The following L3MBTL4 variants were observed in gnomAD, a reference collection of about 807,000 sequenced individuals.
The protein encoded by L3MBTL4 is L3MBTL histone methyl-lysine binding protein 4.
In L3MBTL4, 70 loss-of-function variants were observed where a neutral mutation model predicts 84.5. That is an observed-to-expected ratio of 0.83 (90% CI 0.68 to 1.01). L3MBTL4 has a LOEUF of 1.01. Ranked by LOEUF, L3MBTL4 falls within the 50% of genes least tolerant of loss-of-function variation. The pLI, the probability that L3MBTL4 is intolerant of heterozygous loss-of-function variation, is 0.00. For missense variants in L3MBTL4, 715 were observed against 754.8 expected (o/e 0.95, Z 0.62); for synonymous variants, 274 against 259.8 (o/e 1.05, Z -0.52).
At chr18:6,024,630 A>C (rs1002841432) in intron 16 of L3MBTL4, among the ~76,000 whole-genome samples, 1 of 152,246 alleles carries the variant, frequency 6.6e-6, no homozygotes, top group Non-Finnish European at 1.5e-5. Context: ...CTAATTAATT[A>C]CTGCTGGTCA....
intron 10 of L3MBTL4, among the ~76,000 whole-genome samples, chr18:6,221,991 G>C (rs1434041646): frequency 6.6e-6 from 1 of 152,190 alleles, no homozygotes; most frequent in Admixed American, 6.5e-5. Flanking sequence ...GTGGCATGCT[G>C]TTCAGTACAT....
intron 4 of L3MBTL4, among the ~76,000 whole-genome samples, chr18:6,295,352 A>C (rs5009857): frequency 0.031 from 3,599 of 114,918 alleles, 43 homozygotes; most frequent in Admixed American, 0.044. Flanking sequence ...CTCTCTATAT[A>C]TATATATATA....
Position 6,301,908 on chromosome 18 carries a change from C to T in L3MBTL4, c.122G>A (p.Ser41Asn), listed in dbSNP as rs756773510. 54 of 1,612,130 alleles carry T rather than the reference C, an allele frequency of 3.3e-5. No homozygotes were observed. Among genetic ancestry groups the T allele is most frequent in the Non-Finnish European group, 4.6e-5 (54 of 1,178,294 alleles). Reference sequence around the variant, plus strand: ...TAAATATTGGTGATAATTACCGTGACTCAAAGGGGTTGTGCTATCCTTGGG... The same window carrying T: ...TAAATATTGGTGATAATTACCGTGATTCAAAGGGGTTGTGCTATCCTTGGG... ...KKPKDSTTPL[S>N]HVPSAAAQGA... is the part of the protein sequence containing the mutation. Residue 41 changes from serine to asparagine, a missense_variant, in exon 4 of 19, where the codon AGT (serine) becomes AAT (asparagine). Coordinates refer to ENST00000317931, the MANE Select transcript of L3MBTL4 (RefSeq NM_001330559.2).
chr18:6,286,788 C>T (rs1431287699), intron 4 of L3MBTL4, among the ~76,000 whole-genome samples: 2 of 152,164 alleles, frequency 1.3e-5, no homozygotes, highest in Admixed American at 6.5e-5. Flanking sequence ...CCCACCCACA[C>T]TGAGTCTCTC....
At chr18:6,071,974 A>G (rs2076968960) in intron 16 of L3MBTL4, among the ~76,000 whole-genome samples, 2 of 152,174 alleles carry the variant, frequency 1.3e-5, no homozygotes, top group African/African-American at 4.8e-5. Flanking sequence ...GATGGAGCAT[A>G]TAAAAGGACG....
Position 6,069,457 on chromosome 18 carries a change from G to C in L3MBTL4, c.1444+11424C>G, listed in dbSNP as rs568674210. Among the ~76,000 whole-genome samples, 167 of 152,112 alleles carry C rather than the reference G, an allele frequency of 1.1e-3. 1 individual carries two copies. Among genetic ancestry groups the C allele is most frequent in the African/African-American group, 3.7e-3 (155 of 41,488 alleles). On this transcript the variant is annotated intron_variant, in intron 16 of 18. Transcript: ENST00000317931. ...TGTTTTTTTTTTTCCTCAGGTGACAGGCAGGGCTATAAAGTTCCCCAAAGT... is the reference window on the plus strand; with the variant it reads ...TGTTTTTTTTTTTCCTCAGGTGACACGCAGGGCTATAAAGTTCCCCAAAGT...
Position 6,263,865 on chromosome 18 carries a change from C to T in L3MBTL4, c.219+82G>A, listed in dbSNP as rs1299188020. ...CAAATAATTCAAATAAGTTGATGGG[C>T]TATCTAGGAAAGTCATTTCATTTAA... is the stretch of plus-strand genomic sequence containing the variant. On this transcript the variant is annotated intron_variant, in intron 5 of 18. Coordinates refer to ENST00000317931, the MANE Select transcript of L3MBTL4 (RefSeq NM_001330559.2). The T allele has an allele frequency of 9.9e-6, 9 of 908,326 alleles. No individual in the cohort carries two copies. The South Asian group carries it at 1.2e-4, about 12-fold the overall frequency. The allele number at this position is 908,326 out of a possible 1,614,324, so 56.3% of individuals were successfully genotyped here.
intron 8 of L3MBTL4, 145 bp from the exon 9 acceptor site, chr18:6,240,017 G>T: frequency 1.4e-6 from 1 of 692,478 alleles, no homozygotes; most frequent in East Asian, 2.7e-5. Context: ...TCAAATGCCT[G>T]TAAAAATATC....
chr18:6,168,522 T>C (rs1252420231), intron 13 of L3MBTL4, among the ~76,000 whole-genome samples: 3 of 151,956 alleles, frequency 2.0e-5, no homozygotes, highest in South Asian at 2.1e-4. Flanking sequence ...GAAATAATGC[T>C]GCATATCTAC....
chr18:5,969,141 CG>C (rs1203405932), intron 17 of L3MBTL4, among the ~76,000 whole-genome samples: 4 of 152,086 alleles, frequency 2.6e-5, no homozygotes, highest in African/African-American at 9.7e-5. Context: ...CTCTGGGCCT[CG>C]GGGGGCACTG....
Position 6,072,062 on chromosome 18 carries a change from T to C in L3MBTL4, c.1444+8819A>G, listed in dbSNP as rs535617460. On this transcript the variant is annotated intron_variant, in intron 16 of 18. Transcript: ENST00000317931. ...CAAAGGAAACAAAGGTAAGAAGCAA[T>C]TGGAGAAATAAAATACATATTTCAA... Among the ~76,000 whole-genome samples the C allele has an allele frequency of 7.2e-5, 11 of 152,198 alleles. No homozygotes were observed. The South Asian group carries it at 1.7e-3, about 23-fold the overall frequency.
chr18:6,359,312 G>A (rs543875707), intron 1 of L3MBTL4, among the ~76,000 whole-genome samples: 19 of 152,096 alleles, frequency 1.2e-4, no homozygotes, highest in African/African-American at 4.6e-4. Context: ...AGGCATGGTG[G>A]CACATGCCTG....
At chr18:6,201,608 T>C in intron 12 of L3MBTL4, among the ~76,000 whole-genome samples, 1 of 152,040 alleles carries the variant, frequency 6.6e-6, no homozygotes, top group East Asian at 1.9e-4. Context: ...GGCAATTATG[T>C]GAGAATAGAC....
intron 12 of L3MBTL4, among the ~76,000 whole-genome samples, chr18:6,204,815 G>C (rs1384574093): frequency 6.6e-6 from 1 of 152,170 alleles, no homozygotes; most frequent in Non-Finnish European, 1.5e-5. Flanking sequence ...TTGCTCTCCA[G>C]CTAGATGGTC....
intron 16 of L3MBTL4, among the ~76,000 whole-genome samples, chr18:6,071,815 G>GA (rs1231353188): frequency 5.2e-5 from 6 of 116,224 alleles, no homozygotes; most frequent in African/African-American, 2.4e-4. Flanking sequence ...AAGAAAGAAA[G>GA]GAAAGAAAGA....
chr18:6,180,130 A>G (rs1249877175), intron 12 of L3MBTL4, among the ~76,000 whole-genome samples: 2 of 152,182 alleles, frequency 1.3e-5, no homozygotes, highest in South Asian at 4.1e-4. Context: ...TAAATGAGGG[A>G]TATAGTCCAG....
intron 16 of L3MBTL4, among the ~76,000 whole-genome samples, chr18:5,985,324 T>C (rs2053419547): frequency 6.6e-6 from 1 of 152,176 alleles, no homozygotes; most frequent in Admixed American, 6.5e-5. Context: ...AGGTAAAGAA[T>C]AGATTATTAA....
intron 16 of L3MBTL4, among the ~76,000 whole-genome samples, chr18:5,990,619 T>C (rs1172283352): frequency 6.6e-6 from 1 of 152,176 alleles, no homozygotes; most frequent in Non-Finnish European, 1.5e-5. Context: ...TAATTTTGCT[T>C]ATGTGCGTGG....
rs1164330970 is a variant in L3MBTL4, at chr18:6,286,289, C to T, written c.127+15614G>A. On this transcript the variant is annotated intron_variant, in intron 4 of 18. Coordinates refer to ENST00000317931, the MANE Select transcript of L3MBTL4 (RefSeq NM_001330559.2). Reference sequence around the variant, plus strand: ...GATCAGCACTGCCAATATGGTGAAACCCCATCTCTACTAAAAATACAAGAA... The same window carrying T: ...GATCAGCACTGCCAATATGGTGAAATCCCATCTCTACTAAAAATACAAGAA... 2.0e-5 allele frequency among the ~76,000 whole-genome samples: 3 copies of T among 151,764 alleles called. No homozygotes were observed. In the East Asian group the frequency reaches 6.0e-4, roughly 30 times the overall value.
Sources: gnomAD v4.1 joint callset for allele counts (sites outside exome capture counted in the v4.1 genomes callset) on GRCh38, gnomAD v4.1.1 for gene constraint, MANE v1.5 for transcripts, NCBI Gene and HGNC (gene_info 2026-07-23, HGNC 2026-07-21) for gene names.